Variants in NRG3 observed in about 807,000 individuals in gnomAD.
The protein encoded by NRG3 is neuregulin 3.
In NRG3, 31 loss-of-function variants were observed where a neutral mutation model predicts 66.9. The ratio of observed to expected loss-of-function variants is 0.46; its 90% CI spans 0.35 to 0.63. The LOEUF is 0.63. NRG3 is among the 20% of genes least tolerant of loss of function. The pLI, the probability that NRG3 is intolerant of heterozygous loss-of-function variation, is 0.00. For missense variants in NRG3, 910 were observed against 878.9 expected (o/e 1.04, Z -0.45); for synonymous variants, 393 against 359.4 (o/e 1.09, Z -1.06).
At chr10:82,413,480 A>G (rs1175980624) in intron 2 of NRG3, among the ~76,000 whole-genome samples, 1 of 152,178 alleles carries the variant, frequency 6.6e-6, no homozygotes, top group Non-Finnish European at 1.5e-5. Context: ...AGTAGATTTA[A>G]CATAATTCTT....
chr10:82,049,128 C>G (rs1378765907), intron 1 of NRG3, among the ~76,000 whole-genome samples: 1 of 152,024 alleles, frequency 6.6e-6, no homozygotes, highest in African/African-American at 2.4e-5. Flanking sequence ...TTCATTTATT[C>G]TTCGTACGGT....
intron 1 of NRG3, among the ~76,000 whole-genome samples, chr10:82,357,993 G>T (rs896960251): frequency 3.9e-5 from 6 of 152,250 alleles, no homozygotes; most frequent in African/African-American, 1.4e-4. Flanking sequence ...TCTACATGTG[G>T]TAATAGAGTC....
chr10:82,235,966 C>T lies in NRG3; in HGVS notation c.824-122773C>T, dbSNP rs371917769. Among the ~76,000 whole-genome samples the T allele has an allele frequency of 1.5e-3, 231 of 151,630 alleles. 6 individuals are homozygous for T. The South Asian group carries it at 0.046, about 30-fold the overall frequency. Reference sequence around the variant, plus strand: ...CATTATTTAGCATGGCCCATCCCTGCCACACACACACATAGACACGCACAC... The same window carrying T: ...CATTATTTAGCATGGCCCATCCCTGTCACACACACACATAGACACGCACAC... On this transcript the variant is annotated intron_variant, in intron 1 of 8. Coordinates refer to ENST00000372141, the MANE Select transcript of NRG3 (RefSeq NM_001010848.4).
chr10:82,375,744 T>C (rs1338276160), intron 2 of NRG3, among the ~76,000 whole-genome samples: 1 of 152,164 alleles, frequency 6.6e-6, no homozygotes, highest in Non-Finnish European at 1.5e-5. Flanking sequence ...CCAGTGGACC[T>C]TAATTTCTTC....
chr10:82,914,157 A>G (rs1451525234), intron 4 of NRG3, among the ~76,000 whole-genome samples: 3 of 151,536 alleles, frequency 2.0e-5, no homozygotes, highest in African/African-American at 7.3e-5. Context: ...ATTTCTTAGA[A>G]TTTTTATCTC....
At chr10:82,120,613 A>G (rs1383821029) in intron 1 of NRG3, among the ~76,000 whole-genome samples, 2 of 152,242 alleles carry the variant, frequency 1.3e-5, no homozygotes, top group South Asian at 2.1e-4. Flanking sequence ...TTTAAAGAAG[A>G]TGTTTCAGGA....
At chr10:82,316,299 A>G (rs984090756) in intron 1 of NRG3, among the ~76,000 whole-genome samples, 2 of 152,194 alleles carry the variant, frequency 1.3e-5, no homozygotes, top group East Asian at 3.9e-4. Context: ...ATACAAGGAC[A>G]CTCTGGTGTT....
intron 2 of NRG3, among the ~76,000 whole-genome samples, chr10:82,406,372 A>C (rs1163260685): frequency 6.6e-6 from 1 of 152,214 alleles, no homozygotes; most frequent in Non-Finnish European, 1.5e-5. Context: ...TGTTGCCTTC[A>C]GAGCACTTTC....
chr10:82,252,396 A>G (rs921185298), intron 1 of NRG3, among the ~76,000 whole-genome samples: 23 of 152,156 alleles, frequency 1.5e-4, no homozygotes, highest in African/African-American at 5.6e-4. Context: ...TATGGATACT[A>G]TTATTAATCC....
At chr10:81,966,655 A>G (rs1304900382) in intron 1 of NRG3, among the ~76,000 whole-genome samples, 1 of 152,116 alleles carries the variant, frequency 6.6e-6, no homozygotes, top group African/African-American at 2.4e-5. Context: ...AGAATGATCA[A>G]GACATGAAGT....
chr10:82,677,917 G>A (rs113544907), intron 2 of NRG3, among the ~76,000 whole-genome samples: 12 of 152,236 alleles, frequency 7.9e-5, no homozygotes, highest in African/African-American at 2.2e-4. Flanking sequence ...CCTTTGGAGC[G>A]GGCTGCCCAC....
chr10:82,413,740 G>T (rs1442745049), intron 2 of NRG3, among the ~76,000 whole-genome samples: 1 of 152,122 alleles, frequency 6.6e-6, no homozygotes, highest in African/African-American at 2.4e-5. Context: ...ATTACTTGCT[G>T]TTCCTTCTAC....
intron 1 of NRG3, among the ~76,000 whole-genome samples, chr10:82,282,405 A>G (rs17737264): frequency 0.1 from 15,499 of 152,010 alleles, 1,001 homozygotes; most frequent in Non-Finnish European, 0.15. Flanking sequence ...CACTTCCTTT[A>G]TGCTAGTGTA....
At chr10:82,323,779 T>C (rs966328150) in intron 1 of NRG3, among the ~76,000 whole-genome samples, 1 of 152,216 alleles carries the variant, frequency 6.6e-6, no homozygotes, top group African/African-American at 2.4e-5. Flanking sequence ...TTTACTGATA[T>C]AGATAGTTCA....
chr10:82,245,457 C>T lies in NRG3; in HGVS notation c.824-113282C>T, dbSNP rs2077195192. ...AGGTCCATGGCCCAAGGGTTAGGGA[C>T]CCCTGATGTAAAAGACTTATATATG... On this transcript the variant is annotated intron_variant, in intron 1 of 8. Transcript: ENST00000372141. 2.0e-5 allele frequency among the ~76,000 whole-genome samples: 3 copies of T among 152,108 alleles called. No homozygotes were observed. The South Asian group carries it at 6.2e-4, about 32-fold the overall frequency.
At chr10:82,342,848 G>A (rs6584657) in intron 1 of NRG3, among the ~76,000 whole-genome samples, 9,752 of 152,048 alleles carry the variant, frequency 0.064, 829 homozygotes, top group African/African-American at 0.19. Flanking sequence ...GCCTAGGCCA[G>A]TGTTCAGTAA....
intron 2 of NRG3, among the ~76,000 whole-genome samples, chr10:82,397,705 C>G (rs1474946784): frequency 1.3e-5 from 2 of 152,268 alleles, no homozygotes; most frequent in African/African-American, 4.8e-5. Flanking sequence ...AAATACCATA[C>G]TCTCCCAGGA....
At chr10:82,808,396 G>A (rs1447783978) in intron 3 of NRG3, among the ~76,000 whole-genome samples, 1 of 151,934 alleles carries the variant, frequency 6.6e-6, no homozygotes, top group Non-Finnish European at 1.5e-5. Context: ...ATTCAATAAA[G>A]GAGTCGACTC....
At chr10:82,748,424 G>A (rs924273364) in intron 3 of NRG3, among the ~76,000 whole-genome samples, 55 of 151,122 alleles carry the variant, frequency 3.6e-4, no homozygotes, top group Admixed American at 7.2e-4. Context: ...AAAAATATGA[G>A]GCAAAACTAT....
Sources: allele counts gnomAD v4.1 joint callset (sites outside exome capture counted in the v4.1 genomes callset), GRCh38; gene constraint gnomAD v4.1.1; transcripts MANE v1.5; gene names NCBI Gene and HGNC (gene_info 2026-07-23, HGNC 2026-07-21).